Variants in ANKRD18A observed in about 807,000 individuals in gnomAD.
The protein encoded by ANKRD18A is ankyrin repeat domain 18A, also known as ankyrin repeat domain-containing protein 18A.
ANKRD18A carries 72 observed loss-of-function variants against 110.6 expected under a neutral mutation model. That is an observed-to-expected ratio of 0.65 (90% CI 0.54 to 0.79). ANKRD18A has a LOEUF of 0.79. Ranked by LOEUF, ANKRD18A falls within the 30% of genes least tolerant of loss-of-function variation. The pLI is 0.00. For missense variants in ANKRD18A, 934 were observed against 1,163.3 expected, an observed-to-expected ratio of 0.80 and a Z score of 2.87; for synonymous variants, 305 against 410.3, an observed-to-expected ratio of 0.74 and a Z score of 3.10.
chr9:38,603,496 CAT>C (rs1825220327), intron 6 of ANKRD18A, among the ~76,000 whole-genome samples: 1 of 152,132 alleles, frequency 6.6e-6, no homozygotes, highest in Non-Finnish European at 1.5e-5. Flanking sequence ...TCCTGCCTAC[CAT>C]ATGTTTTTTC....
At chr9:38,576,064 G>A (rs1486117524) in intron 14 of ANKRD18A, among the ~76,000 whole-genome samples, 2 of 152,130 alleles carry the variant, frequency 1.3e-5, no homozygotes, top group African/African-American at 4.8e-5. Flanking sequence ...AACTATGTGG[G>A]AAAATGATTA....
chr9:38,566,811 A>G (rs1823494699), downstream of ANKRD18A: 1 of 152,218 alleles, frequency 6.6e-6, no homozygotes, highest in South Asian at 2.1e-4. Flanking sequence ...TAGGGAGGTG[A>G]CATAGAGTTT....
chr9:38,578,026 T>G lies in ANKRD18A; in HGVS notation c.2370A>C (p.Lys790Asn), dbSNP rs555552993. 6.4e-7 allele frequency: 1 copy of G among 1,553,452 alleles called. No homozygotes were observed. The highest frequency in any genetic ancestry group is 1.2e-5 in the South Asian group (1 of 84,376). Reference protein sequence around the residue: ...SMRNVQEKCEKLEKDKKMLEE... With the variant: ...SMRNVQEKCENLEKDKKMLEE... ...CCAACATCTTTTTATCCTTCTCAAG[T>G]TTTTCACATTTCTCTTGTACATTTC... Residue 790 changes from lysine (K) to asparagine (N), a missense_variant, in exon 13 of 16, where the codon AAA becomes AAC. By Grantham distance (94) the Lys-to-Asn change is moderately conservative. Around this residue, in one of 4 missense-constraint regions of ANKRD18A, gnomAD observed 79 missense variants for 122.8 expected, o/e 0.64. Transcript: ENST00000399703.
intron 1 of ANKRD18A, among the ~76,000 whole-genome samples, chr9:38,617,299 G>C (rs556857286): frequency 6.6e-6 from 1 of 152,232 alleles, no homozygotes; most frequent in South Asian, 2.1e-4. Flanking sequence ...AATTAGCTGG[G>C]TGCGGTGGCA....
chr9:38,608,575 A>G (rs1825459985), intron 5 of ANKRD18A, among the ~76,000 whole-genome samples: 1 of 146,450 alleles, frequency 6.8e-6, no homozygotes, highest in African/African-American at 2.5e-5. Flanking sequence ...CTATATAATA[A>G]TAGATTATAT....
In ANKRD18A at chr9:38,571,385, T is replaced by C. The variant is rs1317093658; in HGVS notation, c.*660A>G. The C allele has an allele frequency of 2.2e-5, 16 of 717,828 alleles. No individual in the cohort carries two copies. Among genetic ancestry groups the C allele is most frequent in the Non-Finnish European group, 3.2e-5 (16 of 504,674 alleles). The allele number at this position is 717,828 out of a possible 1,614,324, so 44.5% of individuals were successfully genotyped here. On this transcript the variant is annotated 3_prime_UTR_variant, in exon 16 of 16. Transcript: ENST00000399703. ...TCCCTTCTCCTTTATTTATTGGTTT[T>C]ATTTCTCCATGTAGAACAAAGAAGA...
intron 6 of ANKRD18A, among the ~76,000 whole-genome samples, chr9:38,605,478 T>C (rs540144377): frequency 4.1e-4 from 63 of 152,208 alleles, no homozygotes; most frequent in Non-Finnish European, 8.4e-4. Flanking sequence ...GGTGTCTTTA[T>C]ACAGTTCAGA....
At chr9:38,579,086 T>C (rs1446962978) in intron 12 of ANKRD18A, among the ~76,000 whole-genome samples, 2 of 152,260 alleles carry the variant, frequency 1.3e-5, no homozygotes, top group African/African-American at 2.4e-5. Context: ...AGAACATACA[T>C]TGGGGAAAGG....
At chr9:38,591,933 C>T (rs1023327452) in intron 10 of ANKRD18A, among the ~76,000 whole-genome samples, 3 of 152,166 alleles carry the variant, frequency 2.0e-5, no homozygotes, top group African/African-American at 7.2e-5. Context: ...ACTGCCTTCA[C>T]GAGTACTCTG....
At chr9:38,585,722 C>G (rs1824351052) in intron 12 of ANKRD18A, among the ~76,000 whole-genome samples, 1 of 152,112 alleles carries the variant, frequency 6.6e-6, no homozygotes. Context: ...ATGTTCATTG[C>G]AGCACTATTC....
rs2118751298 is a variant in ANKRD18A, at chr9:38,591,121, C to A, written c.2005-2458G>T. Among the ~76,000 whole-genome samples, 2 of 152,056 alleles carry A rather than the reference C, an allele frequency of 1.3e-5. 1 individual carries two copies. The highest frequency in any genetic ancestry group is 4.2e-4 in the South Asian group (2 of 4,798). On this transcript the variant is annotated intron_variant, in intron 10 of 15. Transcript: ENST00000399703. ...GATTACAGGCATGCACCACCATGCC[C>A]CAGCTGTTTAATTTTTTTTTTTTTT...
chr9:38,578,153 A>T lies in ANKRD18A; in HGVS notation c.2248-5T>A. 6.5e-7 allele frequency: 1 copy of T among 1,536,760 alleles called. No homozygotes were observed. Among genetic ancestry groups the T allele is most frequent in the Non-Finnish European group, 8.7e-7 (1 of 1,143,578 alleles). On this transcript the variant is annotated splice_region_variant and splice_polypyrimidine_tract_variant and intron_variant, in intron 12 of 15. Transcript: ENST00000399703. Reference sequence around the variant, plus strand: ...CTCGGCCACAAGATCATTAAACTGCATTAAGAAAATAATAGAGCTTGATAA... The same window carrying T: ...CTCGGCCACAAGATCATTAAACTGCTTTAAGAAAATAATAGAGCTTGATAA...
At chr9:38,615,187 T>A (rs1285165844) in intron 3 of ANKRD18A, among the ~76,000 whole-genome samples, 1 of 152,224 alleles carries the variant, frequency 6.6e-6, no homozygotes, top group Non-Finnish European at 1.5e-5. Flanking sequence ...ACCTTGCCCA[T>A]GAAAGATACA....
At chr9:38,594,589 A>G (rs1396874084) in intron 9 of ANKRD18A, among the ~76,000 whole-genome samples, 2 of 152,198 alleles carry the variant, frequency 1.3e-5, no homozygotes, top group Non-Finnish European at 2.9e-5. Flanking sequence ...GTGATTTTAT[A>G]ACAAGTAGAA....
chr9:38,572,094 T>C (rs1823671356), intron 15 of ANKRD18A, 35 bp from the exon 16 acceptor site: 1 of 1,484,212 alleles, frequency 6.7e-7, no homozygotes, highest in Non-Finnish European at 9.1e-7. Flanking sequence ...GTTCTTTACC[T>C]AAAACATTTC....
downstream of ANKRD18A, among the ~76,000 whole-genome samples, chr9:38,570,609 G>A (rs2381853): frequency 9.9e-5 from 15 of 152,220 alleles, no homozygotes; most frequent in South Asian, 4.1e-4. Context: ...TGACCAGGTC[G>A]TGATGGCTAG....
chr9:38,615,878 T>C, intron 2 of ANKRD18A, 52 bp downstream of exon 2: 5 of 1,523,362 alleles, frequency 3.3e-6, no homozygotes, highest in Non-Finnish European at 4.4e-6. Context: ...ATTTTAATTC[T>C]ATGTATTTAA....
At chr9:38,584,475 AATG>A (rs1336809201) in intron 12 of ANKRD18A, among the ~76,000 whole-genome samples, 2 of 152,308 alleles carry the variant, frequency 1.3e-5, no homozygotes, top group East Asian at 3.9e-4. Context: ...AAATTGATGT[AATG>A]ATGATTACAT....
At chr9:38,617,483 A>C (rs1406506293) in intron 1 of ANKRD18A, among the ~76,000 whole-genome samples, 1 of 152,170 alleles carries the variant, frequency 6.6e-6, no homozygotes, top group East Asian at 1.9e-4. Flanking sequence ...ACGTGAAGCT[A>C]AAGGAAACTC....
Sources: allele counts gnomAD v4.1 joint callset (sites outside exome capture counted in the v4.1 genomes callset), GRCh38; gene constraint gnomAD v4.1.1; regional missense constraint gnomAD v4.1.1; transcripts MANE v1.5; gene names NCBI Gene and HGNC (gene_info 2026-07-23, HGNC 2026-07-21).